The following ERC2 variants were observed in gnomAD, a reference collection of about 807,000 sequenced individuals.
ERC2 encodes the protein ELKS/RAB6-interacting/CAST family member 2, also known as ERC protein 2.
ERC2 carries 42 observed loss-of-function variants against 114.8 expected under a neutral mutation model. That is an observed-to-expected ratio of 0.37 (90% CI 0.29 to 0.47). The LOEUF is 0.47. Among genes scored for constraint, ERC2 ranks in the 20% least tolerant of loss-of-function variants. The probability of loss-of-function intolerance (pLI) is 0.99; values close to 1 mark genes in which losing one functional copy is unlikely to be tolerated. For synonymous variants in ERC2, 454 were observed against 425.5 expected, an observed-to-expected ratio of 1.07 and a Z score of -0.82; for missense variants, 939 against 1,150.7, an observed-to-expected ratio of 0.82 and a Z score of 2.66.
chr3:55,776,801 T>A (rs1045905851), intron 14 of ERC2, among the ~76,000 whole-genome samples: 2 of 152,146 alleles, frequency 1.3e-5, no homozygotes, highest in African/African-American at 4.8e-5. Context: ...GCTCATACAG[T>A]GGAGTAACAT....
Position 55,560,523 on chromosome 3 carries a change from G to A in ERC2, c.*40-49247C>T, listed in dbSNP as rs1400249785. Among the ~76,000 whole-genome samples the A allele has an allele frequency of 3.9e-5, 6 of 152,084 alleles. No individual in the cohort carries two copies. In the East Asian group the frequency reaches 1.2e-3, roughly 29 times the overall value. ...GTACATGGAGAAGAGGGTCCCAGAG[G>A]TGCCCAGCCTGCAGCTGACCCCACC... On this transcript the variant is annotated intron_variant, in intron 17 of 17. Coordinates refer to ENST00000288221, the MANE Select transcript of ERC2 (RefSeq NM_015576.3).
At chr3:56,241,640 TATACATATGA>T (rs1235395155) in intron 3 of ERC2, among the ~76,000 whole-genome samples, 10 of 152,298 alleles carry the variant, frequency 6.6e-5, no homozygotes, top group African/African-American at 2.4e-4. Context: ...ATCATAGAGC[TATACATATGA>T]TCATAGAAAC....
chr3:56,079,529 G>C (rs1009538696), intron 7 of ERC2, among the ~76,000 whole-genome samples: 8 of 152,132 alleles, frequency 5.3e-5, no homozygotes, highest in Non-Finnish European at 8.8e-5. Context: ...TGGCCAGAGG[G>C]AGCCCAATCC....
intron 6 of ERC2, among the ~76,000 whole-genome samples, chr3:56,102,847 C>T (rs2078433621): frequency 6.6e-6 from 1 of 152,130 alleles, no homozygotes; most frequent in African/African-American, 2.4e-5. Context: ...AAAAGATGTG[C>T]ATTATTCACT....
chr3:56,053,140 T>G (rs1238301740), intron 7 of ERC2, among the ~76,000 whole-genome samples: 8 of 152,184 alleles, frequency 5.3e-5, no homozygotes, highest in Non-Finnish European at 7.3e-5. Context: ...TCCTCCTTGT[T>G]ATGATTATAA....
intron 3 of ERC2, among the ~76,000 whole-genome samples, chr3:56,293,970 C>T (rs890213343): frequency 6.6e-6 from 1 of 152,252 alleles, no homozygotes; most frequent in Admixed American, 6.5e-5. Context: ...AGAAATGGTG[C>T]TGCAGATGGA....
intron 14 of ERC2, among the ~76,000 whole-genome samples, chr3:55,799,708 C>G (rs1199182173): frequency 6.6e-6 from 1 of 151,938 alleles, no homozygotes; most frequent in Non-Finnish European, 1.5e-5. Context: ...ACTGGAAAAA[C>G]TGAGGAGGAT....
At chr3:55,960,038 C>T (rs553625398) in intron 12 of ERC2, among the ~76,000 whole-genome samples, 18 of 152,334 alleles carry the variant, frequency 1.2e-4, no homozygotes, top group Admixed American at 9.8e-4. Flanking sequence ...ATTGCTCCTG[C>T]TTCCATGAGA....
At chr3:56,348,365 A>G (rs1037860109) in intron 2 of ERC2, among the ~76,000 whole-genome samples, 1 of 152,096 alleles carries the variant, frequency 6.6e-6, no homozygotes, top group African/African-American at 2.4e-5. Flanking sequence ...TACTGCAACT[A>G]CATTCAGCCT....
At chr3:55,565,776 A>C (rs566706855) in intron 17 of ERC2, among the ~76,000 whole-genome samples, 1 of 152,332 alleles carries the variant, frequency 6.6e-6, no homozygotes, top group African/African-American at 2.4e-5. Flanking sequence ...AGGCTTTTAA[A>C]ATAAAATACT....
intron 6 of ERC2, among the ~76,000 whole-genome samples, chr3:56,126,772 A>G (rs2079886981): frequency 7.2e-6 from 1 of 138,204 alleles, no homozygotes; most frequent in South Asian, 2.3e-4. Flanking sequence ...AGAAGGAAGG[A>G]AGGAAAGAAA....
chr3:55,993,069 T>C (rs945400700), intron 10 of ERC2, among the ~76,000 whole-genome samples: 13 of 151,992 alleles, frequency 8.6e-5, no homozygotes, highest in Non-Finnish European at 1.8e-4. Flanking sequence ...CTTTTTTTTT[T>C]CCCAAAATAA....
At chr3:55,583,678 C>G (rs886458817) in intron 17 of ERC2, among the ~76,000 whole-genome samples, 1 of 150,904 alleles carries the variant, frequency 6.6e-6, no homozygotes, top group Non-Finnish European at 1.5e-5. Flanking sequence ...ATGGTTAGTG[C>G]TAGGCTGGTA....
intron 17 of ERC2, among the ~76,000 whole-genome samples, chr3:55,609,452 C>T (rs1031864326): frequency 5.3e-5 from 8 of 152,060 alleles, no homozygotes; most frequent in East Asian, 1.9e-4. Context: ...TTGGAGTGAC[C>T]GGAGGGAAGA....
At chr3:55,795,865 A>G (rs967456193) in intron 14 of ERC2, among the ~76,000 whole-genome samples, 1 of 152,236 alleles carries the variant, frequency 6.6e-6, no homozygotes, top group African/African-American at 2.4e-5. Flanking sequence ...CATTCAGCAA[A>G]TAATTACCCA....
chr3:56,185,642 G>C (rs1004982794), intron 3 of ERC2, among the ~76,000 whole-genome samples: 1 of 152,168 alleles, frequency 6.6e-6, no homozygotes, highest in Non-Finnish European at 1.5e-5. Context: ...GGAGGAATGT[G>C]AATCTTTGGG....
At chr3:55,563,778 TAGAC>T (rs145319903) in intron 17 of ERC2, among the ~76,000 whole-genome samples, 1,729 of 152,270 alleles carry the variant, frequency 0.011, 34 homozygotes, top group African/African-American at 0.039. Context: ...GATAGAGAGA[TAGAC>T]AGAGACAGAG....
chr3:56,444,002 GC>G (rs2062444015), intron 1 of ERC2, among the ~76,000 whole-genome samples: 1 of 115,260 alleles, frequency 8.7e-6, no homozygotes, highest in African/African-American at 3.4e-5. Flanking sequence ...TCACTGTGTC[GC>G]CCAGGCTGGA....
intron 14 of ERC2, among the ~76,000 whole-genome samples, chr3:55,777,287 A>AG (rs11456965): frequency 0.23 from 34,684 of 152,086 alleles, 4,287 homozygotes; most frequent in African/African-American, 0.3. Context: ...ACCTGCAGAA[A>AG]GCAGAAGTGT....
Sources: gnomAD v4.1 joint callset for allele counts (sites outside exome capture counted in the v4.1 genomes callset) on GRCh38, gnomAD v4.1.1 for gene constraint, MANE v1.5 for transcripts, NCBI Gene and HGNC (gene_info 2026-07-23, HGNC 2026-07-21) for gene names.